LMO3: variants seen among roughly 807,000 people sequenced by gnomAD.
The protein encoded by LMO3 is LIM domain only 3, also known as LIM domain only protein 3.
Under a neutral mutation model 15.8 loss-of-function variants are expected in LMO3, and 2 were observed. The observed-to-expected ratio is 0.13, with a 90% CI of 0.05 to 0.40. The LOEUF is 0.40. Ranked by LOEUF, LMO3 falls within the 10% of genes least tolerant of loss-of-function variation. The pLI, the probability that LMO3 is intolerant of heterozygous loss-of-function variation, is 0.99. For missense variants in LMO3, 86 were observed against 182.2 expected (o/e 0.47, Z 3.04); for synonymous variants, 62 against 63.8 (o/e 0.97, Z 0.13).
chr12:16,605,670 A>T, intron 1 of LMO3: 1 of 1,220,602 alleles, frequency 8.2e-7, no homozygotes, highest in Non-Finnish European at 1.2e-6. Context: ...AACACTTCCT[A>T]ATTCCAAACT....
chr12:16,560,307 T>G lies in LMO3; in HGVS notation c.332+106A>C. ...TAAAGTTTACAGAACAGAAAAACGC[T>G]GAGATTGATTGCTTTAAATGTATGA... On this transcript the variant is annotated intron_variant, in intron 3 of 3. Transcript: ENST00000537304. This position sits in a 1 kb window ranked among gnomAD's most constrained non-coding sequence, Gnocchi z 5.0. The G allele has an allele frequency of 3.2e-6, 4 of 1,261,446 alleles. No individual in the cohort carries two copies. Among genetic ancestry groups the G allele is most frequent in the Non-Finnish European group, 4.3e-6 (4 of 919,746 alleles). The allele number at this position is 1,261,446 out of a possible 1,614,324, so 78.1% of individuals were successfully genotyped here. A position where few individuals can be genotyped will look rare whatever the true frequency, so the allele number is the denominator to read the frequency against.
At chr12:16,595,719 T>C (rs1264557842) in intron 2 of LMO3, among the ~76,000 whole-genome samples, 1 of 151,434 alleles carries the variant, frequency 6.6e-6, no homozygotes, top group Admixed American at 6.6e-5. Context: ...AAATATTTCA[T>C]AATACTAAAA....
Position 16,603,686 on chromosome 12 carries a change from G to GAT in LMO3, c.-9+2379_-9+2380insAT, listed in dbSNP as rs1943898769. Reference sequence around the variant, plus strand: ...GTAGAACCATTTCATTTAAACTCTGGTGAGCTTTTAATTGCCTGGATTGCA... The same window carrying GAT: ...GTAGAACCATTTCATTTAAACTCTGGATTGAGCTTTTAATTGCCTGGATTGCA... On this transcript the variant is annotated intron_variant, in intron 1 of 3. Transcript: ENST00000537304. This position sits in a 1 kb window ranked among gnomAD's most constrained non-coding sequence, Gnocchi z 4.9. 6.6e-6 allele frequency among the ~76,000 whole-genome samples: 1 copy of GAT among 152,170 alleles called. No individual in the cohort carries two copies. The highest frequency in any genetic ancestry group is 1.5e-5 in the Non-Finnish European group (1 of 68,040).
chr12:16,562,069 A>G (rs2137348060), intron 2 of LMO3, among the ~76,000 whole-genome samples: 1 of 152,314 alleles, frequency 6.6e-6, no homozygotes, highest in Non-Finnish European at 1.5e-5. Context: ...TTGATAAATA[A>G]TATTTATTTA....
At chr12:16,605,678 A>C (rs368668165) in intron 1 of LMO3, 15 of 1,285,694 alleles carry the variant, frequency 1.2e-5, no homozygotes, top group East Asian at 1.0e-4. Flanking sequence ...CTAATTCCAA[A>C]CTCTCCCTGC....
At position 16,603,213 on chromosome 12, in the gene LMO3, T is replaced by A. The variant is rs918244404; in HGVS notation, c.-8-2345A>T. Among the ~76,000 whole-genome samples the A allele has an allele frequency of 3.3e-5, 5 of 152,252 alleles. No homozygotes were observed. The highest frequency in any genetic ancestry group is 4.1e-4 in the South Asian group (2 of 4,836). On this transcript the variant is annotated intron_variant, in intron 1 of 3. Transcript: ENST00000537304. The surrounding 1 kb of genome is among the most constrained non-coding windows in gnomAD (Gnocchi z 4.9). ...TCAGAGGCCAATTAATATTTGAAAC[T>A]CTTACATTCTGTTTGGCCTTGGGCA...
chr12:16,601,031 A>G (rs2160515), intron 1 of LMO3, among the ~76,000 whole-genome samples, 163 bp from the exon 2 acceptor site: 53,224 of 152,082 alleles, frequency 0.35, 10,839 homozygotes, highest in Non-Finnish European at 0.44. Context: ...AAAAGTCTCA[A>G]ACTTTATCAA....
At chr12:16,583,562 C>T (rs1322951895) in intron 2 of LMO3, among the ~76,000 whole-genome samples, 10 of 151,896 alleles carry the variant, frequency 6.6e-5, no homozygotes. Context: ...ACCTCATTCC[C>T]ATAGATGGGA....
upstream of LMO3, chr12:16,607,255 C>G (rs568613186): frequency 1.3e-5 from 2 of 152,544 alleles, no homozygotes; most frequent in East Asian, 1.9e-4. Context: ...ACCACCACCC[C>G]GAAACACACT....
At chr12:16,553,371 C>G (rs1942065652) in intron 3 of LMO3, among the ~76,000 whole-genome samples, 1 of 152,090 alleles carries the variant, frequency 6.6e-6, no homozygotes, top group South Asian at 2.1e-4. Flanking sequence ...AATGGTTATA[C>G]AGGGTGTAAC....
intron 1 of LMO3, 39 bp from the exon 2 acceptor site, chr12:16,600,907 C>T (rs768988680): frequency 1.4e-6 from 2 of 1,428,394 alleles, no homozygotes; most frequent in Non-Finnish European, 2.0e-6. Context: ...GCTGAGACTA[C>T]CAGACAGAAT....
At chr12:16,600,905 T>C (rs1430525422) in intron 1 of LMO3, 37 bp from the exon 2 acceptor site, 1 of 1,442,532 alleles carries the variant, frequency 6.9e-7, no homozygotes, top group East Asian at 2.3e-5. Context: ...GAGCTGAGAC[T>C]ACCAGACAGA....
intron 3 of LMO3, among the ~76,000 whole-genome samples, chr12:16,556,833 C>T (rs1942209980): frequency 6.6e-6 from 1 of 152,124 alleles, no homozygotes; most frequent in Non-Finnish European, 1.5e-5. Flanking sequence ...CTTGTAGGGG[C>T]TGAAGTGACA....
intron 2 of LMO3, among the ~76,000 whole-genome samples, chr12:16,565,786 G>A (rs531212525): frequency 4.6e-5 from 7 of 151,016 alleles, no homozygotes; most frequent in Admixed American, 2.6e-4. Context: ...CAGTATGGAG[G>A]TTCCTCAAAA....
At position 16,591,513 on chromosome 12, in the gene LMO3, G is replaced by A. The variant is rs1055053098; in HGVS notation, c.206+9142C>T. Among the ~76,000 whole-genome samples the A allele has an allele frequency of 1.2e-4, 17 of 137,344 alleles. No homozygotes were observed. Among genetic ancestry groups the A allele is most frequent in the African/African-American group, 4.4e-4 (16 of 36,428 alleles). 90.1% of individuals were successfully genotyped at this position (137,344 alleles called of 152,430 possible). A position where few individuals can be genotyped will look rare whatever the true frequency, so the allele number is the denominator to read the frequency against. ...CCTAAGTAGAATATAAACTCTACAA[G>A]GGGAGCAGGTATTTTTGTGTTTTAT... On this transcript the variant is annotated intron_variant, in intron 2 of 3. Transcript: ENST00000537304. This position sits in a 1 kb window ranked among gnomAD's most constrained non-coding sequence, Gnocchi z 4.1.
rs950987164 is a variant in LMO3 at position 16,604,751 on chromosome 12, A to C, written c.-9+1315T>G. 22 of 1,150,616 alleles carry C rather than the reference A, an allele frequency of 1.9e-5. No homozygotes were observed. Among genetic ancestry groups the C allele is most frequent in the Non-Finnish European group, 2.8e-5 (22 of 781,020 alleles). The allele number at this position is 1,150,616 out of a possible 1,614,324, so 71.3% of individuals were successfully genotyped here. The stretch of plus-strand genomic sequence containing the variant: ...AGTCTTTCAAAGCAGTTACAACAAT[A>C]ATATTTCGGTTCTTTCAGAAAGACA... On this transcript the variant is annotated intron_variant, in intron 1 of 3. Coordinates refer to ENST00000537304, the MANE Select transcript of LMO3 (RefSeq NM_018640.5). This position sits in a 1 kb window ranked among gnomAD's most constrained non-coding sequence, Gnocchi z 5.3.
At chr12:16,552,994 G>A (rs763292475) in intron 3 of LMO3, among the ~76,000 whole-genome samples, 1 of 152,064 alleles carries the variant, frequency 6.6e-6, no homozygotes, top group South Asian at 2.1e-4. Context: ...TAATACCTGT[G>A]ACATCAGTCG....
Position 16,591,580 on chromosome 12 carries a change from C to T in LMO3, c.206+9075G>A, listed in dbSNP as rs1487605219. Among the ~76,000 whole-genome samples, 4 of 151,832 alleles carry T rather than the reference C, an allele frequency of 2.6e-5. No homozygotes were observed. The highest frequency in any genetic ancestry group is 2.1e-4 in the South Asian group (1 of 4,822). On this transcript the variant is annotated intron_variant, in intron 2 of 3. Transcript: ENST00000537304. This position sits in a 1 kb window ranked among gnomAD's most constrained non-coding sequence, Gnocchi z 4.1. ...GGCCTTTTACAGTACCTAGAATATA[C>T]AGAATGATCACATTTATTGAATGAA... is the stretch of plus-strand genomic sequence containing the variant.
chr12:16,551,266 C>T lies in LMO3; in HGVS notation c.394G>A (p.Glu132Lys), dbSNP rs1410911974. 7 of 1,613,156 alleles carry T rather than the reference C, an allele frequency of 4.3e-6. No homozygotes were observed. Among genetic ancestry groups the T allele is most frequent in the Admixed American group, 1.7e-5 (1 of 60,008 alleles). ...NNMILCQTDY[E>K]EGLMKEGYAP... ...TAACCTTCTTTCATTAAACCTTCCT[C>T]GTAGTCCGTCTGGCAAAGGATCATG... Residue 132 changes from glutamate to lysine, a missense_variant, in exon 4 of 4, where the codon GAG becomes AAG. Around this residue, in one of 3 missense-constraint regions of LMO3, gnomAD observed 19 missense variants for 20.0 expected, o/e 0.95. Coordinates refer to ENST00000537304, the MANE Select transcript of LMO3 (RefSeq NM_018640.5).
Sources: gnomAD v4.1 joint callset for allele counts (sites outside exome capture counted in the v4.1 genomes callset) on GRCh38, gnomAD v4.1.1 for gene constraint, gnomAD v4.1.1 regional missense constraint, Gnocchi (gnomAD v3.1) non-coding constraint, MANE v1.5 for transcripts, NCBI Gene and HGNC (gene_info 2026-07-23, HGNC 2026-07-21) for gene names.